SLC4A4: variants seen among roughly 807,000 people sequenced by gnomAD.
The protein encoded by SLC4A4 is solute carrier family 4 member 4.
A neutral mutation model predicts 111.5 loss-of-function variants in SLC4A4; 27 were observed. That is an observed-to-expected ratio of 0.24 (90% CI 0.18 to 0.33). The LOEUF is 0.33. Among genes scored for constraint, SLC4A4 ranks in the 10% least tolerant of loss-of-function variants. The pLI, the probability that SLC4A4 is intolerant of heterozygous loss-of-function variation, is 1.00. For missense variants in SLC4A4, 909 were observed against 1,315.5 expected, an observed-to-expected ratio of 0.69 and a Z score of 4.78; for synonymous variants, 443 against 463.4, an observed-to-expected ratio of 0.96 and a Z score of 0.57.
chr4:71,230,175 G>A (rs1719323227), intron 1 of SLC4A4, among the ~76,000 whole-genome samples: 2 of 152,152 alleles, frequency 1.3e-5, no homozygotes, highest in Admixed American at 1.3e-4. Flanking sequence ...GTGTGTATGA[G>A]TGTATAATTT....
Position 71,493,755 on chromosome 4 carries a change from A to G in SLC4A4, c.1975-3746A>G, listed in dbSNP as rs540908704. 2.0e-5 allele frequency among the ~76,000 whole-genome samples: 3 copies of G among 151,110 alleles called. No individual in the cohort carries two copies. The East Asian group carries it at 5.9e-4, about 30-fold the overall frequency. ...AATCTCTTTTCCTTTTCATCCCCCT[A>G]ACCAGATTATTTCTCATCCACTATA... On this transcript the variant is annotated intron_variant, in intron 15 of 25. Transcript: ENST00000264485.
chr4:71,327,352 T>C (rs1322172806), intron 3 of SLC4A4, among the ~76,000 whole-genome samples: 6 of 152,018 alleles, frequency 3.9e-5, no homozygotes, highest in African/African-American at 1.4e-4. Flanking sequence ...TTCCTTTAAT[T>C]CTTTTAAAAA....
chr4:71,426,268 G>C (rs1723124715), intron 7 of SLC4A4, among the ~76,000 whole-genome samples: 1 of 152,028 alleles, frequency 6.6e-6, no homozygotes, highest in Non-Finnish European at 1.5e-5. Context: ...GTCTGAACTA[G>C]TTTTTCAGGT....
chr4:71,188,056 A>T (rs1745570037), intron 1 of SLC4A4, among the ~76,000 whole-genome samples: 1 of 152,214 alleles, frequency 6.6e-6, no homozygotes, highest in African/African-American at 2.4e-5. Context: ...GCTCTCCCTC[A>T]GGTACTGGGC....
chr4:71,350,721 C>T (rs1729754072), intron 5 of SLC4A4, among the ~76,000 whole-genome samples: 1 of 152,166 alleles, frequency 6.6e-6, no homozygotes, highest in East Asian at 1.9e-4. Context: ...AAATGGATGT[C>T]ATAGATAAGC....
chr4:71,289,950 T>C (rs16846228), intron 3 of SLC4A4, among the ~76,000 whole-genome samples: 10,786 of 152,212 alleles, frequency 0.071, 732 homozygotes, highest in Admixed American at 0.21. Context: ...CTGGTAATTA[T>C]TTAGGCAGCA....
chr4:71,155,039 G>T (rs1744420947), intron 2 of SLC4A4, among the ~76,000 whole-genome samples: 1 of 151,962 alleles, frequency 6.6e-6, no homozygotes, highest in African/African-American at 2.4e-5. Flanking sequence ...CAATTTAGTG[G>T]GTCACAATGA....
intron 7 of SLC4A4, among the ~76,000 whole-genome samples, chr4:71,407,596 A>G (rs1007793388): frequency 5.3e-5 from 8 of 152,178 alleles, no homozygotes; most frequent in Non-Finnish European, 1.2e-4. Context: ...ACCAAATAAA[A>G]CATTCTTCCT....
At chr4:71,107,040 C>G (rs1364623296) in intron 2 of SLC4A4, among the ~76,000 whole-genome samples, 2 of 151,258 alleles carry the variant, frequency 1.3e-5, no homozygotes, top group African/African-American at 2.4e-5. Context: ...CCACCATGCC[C>G]TATTGGTTAT....
At chr4:71,482,992 C>T (rs913595006) in intron 14 of SLC4A4, among the ~76,000 whole-genome samples, 14 of 151,572 alleles carry the variant, frequency 9.2e-5, no homozygotes, top group African/African-American at 2.4e-4. Context: ...CCATTATATG[C>T]TCTAGGATGT....
intron 1 of SLC4A4, among the ~76,000 whole-genome samples, chr4:71,074,632 A>G (rs1741758138): frequency 6.6e-6 from 1 of 151,804 alleles, no homozygotes; most frequent in Admixed American, 6.6e-5. Context: ...AGAAAGGAGA[A>G]AAAGGAGAAG....
At chr4:71,424,521 G>T (rs1309735099) in intron 7 of SLC4A4, among the ~76,000 whole-genome samples, 1 of 151,974 alleles carries the variant, frequency 6.6e-6, no homozygotes, top group Non-Finnish European at 1.5e-5. Context: ...AAATCATGCT[G>T]CTATAAAGAC....
chr4:71,439,467 A>AAAAAAAG (rs1724497677), intron 7 of SLC4A4, among the ~76,000 whole-genome samples: 1 of 135,346 alleles, frequency 7.4e-6, no homozygotes, highest in Non-Finnish European at 1.6e-5. Flanking sequence ...AAAAAAAAAA[A>AAAAAAAG]AAAAGAAAAG....
chr4:71,462,031 A>T (rs1050835265), intron 12 of SLC4A4, among the ~76,000 whole-genome samples: 1 of 152,106 alleles, frequency 6.6e-6, no homozygotes, highest in African/African-American at 2.4e-5. Flanking sequence ...TCTTCTGAAG[A>T]CTAATTTTTA....
At chr4:71,382,840 A>G (rs912815845) in intron 6 of SLC4A4, among the ~76,000 whole-genome samples, 1 of 152,186 alleles carries the variant, frequency 6.6e-6, no homozygotes, top group African/African-American at 2.4e-5. Context: ...TTCCTGGTCC[A>G]GAGATAATGT....
chr4:71,381,414 A>C (rs6847618), intron 6 of SLC4A4, among the ~76,000 whole-genome samples: 151,920 of 152,274 alleles, frequency 1, 75,786 homozygotes, highest in Middle Eastern at 1. Flanking sequence ...TCTTACCCAG[A>C]TAGTGGCTCA....
chr4:71,349,876 A>ACT (rs1729660926), intron 4 of SLC4A4, 36 bp from the exon 5 acceptor site: 2 of 1,610,424 alleles, frequency 1.2e-6, no homozygotes, highest in Non-Finnish European at 1.7e-6. Flanking sequence ...AAGTTAGAAC[A>ACT]CTTTTAATTG....
Position 71,534,285 on chromosome 4 carries a change from T to G in SLC4A4, c.2339T>G (p.Val780Gly). Residue 780 changes from valine (V) to glycine (G), a missense_variant, in exon 18 of 26, where the codon GTG (valine) becomes GGG (glycine). Physicochemically the swap from Val to Gly is moderately radical, Grantham distance 109 (BLOSUM62 -3). Coordinates refer to ENST00000264485, the MANE Select transcript of SLC4A4 (RefSeq NM_001098484.3). The part of the protein sequence containing the change: ...VPPFGENPWW[V>G]CLAAAIPALL... ...CCGTTTGGAGAAAACCCCTGGTGGG[T>G]GTGCCTTGCTGCTGCTATCCCGGCT... The G allele has an allele frequency of 6.2e-7, 1 of 1,613,710 alleles. No individual in the cohort carries two copies. The highest frequency in any genetic ancestry group is 8.5e-7 in the Non-Finnish European group (1 of 1,179,790).
At chr4:71,513,539 G>A (rs905550876) in intron 16 of SLC4A4, among the ~76,000 whole-genome samples, 1 of 151,868 alleles carries the variant, frequency 6.6e-6, no homozygotes, top group Non-Finnish European at 1.5e-5. Context: ...AGAGTTTTGG[G>A]GTTTTATTAG....
Sources: gnomAD v4.1 joint callset for allele counts (sites outside exome capture counted in the v4.1 genomes callset) on GRCh38, gnomAD v4.1.1 for gene constraint, MANE v1.5 for transcripts, NCBI Gene and HGNC (gene_info 2026-07-23, HGNC 2026-07-21) for gene names.